The following SRSF1 variants were observed in gnomAD, a reference collection of about 807,000 sequenced individuals.
SRSF1 encodes the protein serine/arginine-rich splicing factor 1.
A neutral mutation model predicts 25.9 loss-of-function variants in SRSF1; 1 was observed. The ratio of observed to expected loss-of-function variants is 0.04; its 90% CI spans 0.01 to 0.18. SRSF1 has a LOEUF of 0.18. Ranked by LOEUF, SRSF1 falls within the 10% of genes least tolerant of loss-of-function variation. The pLI, the probability that SRSF1 is intolerant of heterozygous loss-of-function variation, is 1.00. For synonymous variants in SRSF1, 132 were observed against 126.2 expected, an observed-to-expected ratio of 1.05 and a Z score of -0.31; for missense variants, 65 against 350.5, an observed-to-expected ratio of 0.19 and a Z score of 6.50.
the SRSF1 span, chr17:57,994,947 G>C: frequency 6.6e-6 from 1 of 152,158 alleles, no homozygotes; most frequent in Non-Finnish European, 1.5e-5. Context: ...AAGAAACCAA[G>C]CCTTGCAAAG....
chr17:57,993,261 G>C, the SRSF1 span: 1 of 152,214 alleles, frequency 6.6e-6, no homozygotes, highest in Admixed American at 6.5e-5. Flanking sequence ...ATGGTGGTGG[G>C]AGTCTGTAGT....
chr17:58,006,256 T>C, intron 2 of SRSF1, 87 bp downstream of exon 2: 3 of 1,463,604 alleles, frequency 2.0e-6, no homozygotes, highest in Non-Finnish European at 2.8e-6. Context: ...GCATGAAAAA[T>C]TTGCAATTAT....
chr17:58,005,526 G>A lies in SRSF1; in HGVS notation c.627C>T (p.Ser209=). Residue 209 remains serine (S), a synonymous_variant, in exon 4 of 4, where the codon AGC becomes AGT. Coordinates refer to ENST00000258962, the MANE Select transcript of SRSF1 (RefSeq NM_006924.5). The surrounding 1 kb of genome is among the most constrained non-coding windows in gnomAD (Gnocchi z 5.2). Reference sequence around the variant, plus strand: ...TGCTACGGCTTCTGCTACGACTACGGCTTCGAGATCGAGATCTTCCATAAC... The same window carrying A: ...TGCTACGGCTTCTGCTACGACTACGACTTCGAGATCGAGATCTTCCATAAC... ...SPSYGRSRSR[S]RSRSRSRSRS... The A allele has an allele frequency of 1.2e-6, 2 of 1,614,074 alleles. No individual in the cohort carries two copies. The highest frequency in any genetic ancestry group is 1.7e-6 in the Non-Finnish European group (2 of 1,180,028).
Position 58,007,204 on chromosome 17 carries a change from G to C in SRSF1, c.-67C>G. ...CCAAGCCTAGCGCACGGCAGAGCGAGCCCGCAGCGGCACCACGTCTCCCGC... is the reference window on the plus strand; with the variant it reads ...CCAAGCCTAGCGCACGGCAGAGCGACCCCGCAGCGGCACCACGTCTCCCGC... On this transcript the variant is annotated 5_prime_UTR_variant, in exon 1 of 4. Transcript: ENST00000258962. 1.9e-6 allele frequency: 3 copies of C among 1,573,558 alleles called. No individual in the cohort carries two copies. Among genetic ancestry groups the C allele is most frequent in the Non-Finnish European group, 1.7e-6 (2 of 1,154,808 alleles).
At chr17:57,995,982 A>G (rs916773716), downstream of SRSF1, among the ~76,000 whole-genome samples, 31 of 152,294 alleles carry the variant, frequency 2.0e-4, no homozygotes, top group Admixed American at 8.5e-4. Flanking sequence ...CTCTACAAAA[A>G]ATATAAAAAA....
downstream of SRSF1, among the ~76,000 whole-genome samples, chr17:57,997,538 G>A (rs2075369871): frequency 6.6e-6 from 1 of 152,312 alleles, no homozygotes; most frequent in South Asian, 2.1e-4. Flanking sequence ...GGGAAGATGT[G>A]ATTGAGAACA....
rs2075398794 is a variant in SRSF1, at chr17:58,002,508, A to G, written c.*2898T>C. Among the ~76,000 whole-genome samples the G allele has an allele frequency of 6.6e-6, 1 of 152,216 alleles. No homozygotes were observed. Among genetic ancestry groups the G allele is most frequent in the African/African-American group, 2.4e-5 (1 of 41,464 alleles). ...ACCTAAATAGTACCAAGGGGCTGTC[A>G]GTAGACAAATACAAGAAGTAGCAGG... On this transcript the variant is annotated 3_prime_UTR_variant, in exon 4 of 4. Coordinates refer to ENST00000258962, the MANE Select transcript of SRSF1 (RefSeq NM_006924.5).
Position 58,001,473 on chromosome 17 carries a change from A to G in SRSF1, c.*3933T>C, listed in dbSNP as rs918505765. ...TCAGACCCAAACAATCAAGAACCAG[A>G]AAATGGGTTTCTTACCTTTTGTTTC... On this transcript the variant is annotated 3_prime_UTR_variant, in exon 4 of 4. Coordinates refer to ENST00000258962, the MANE Select transcript of SRSF1 (RefSeq NM_006924.5). Among the ~76,000 whole-genome samples, 1 of 152,188 alleles carries G rather than the reference A, an allele frequency of 6.6e-6. No individual in the cohort carries two copies. Among genetic ancestry groups the G allele is most frequent in the African/African-American group, 2.4e-5 (1 of 41,458 alleles).
chr17:57,990,390 T>C, the SRSF1 span: 1 of 150,266 alleles, frequency 6.7e-6, no homozygotes, highest in Non-Finnish European at 1.5e-5. Context: ...TCCTCAAACA[T>C]TCTTTAAAAA....
chr17:58,007,189 C>T lies in SRSF1; in HGVS notation c.-52G>A, dbSNP rs2075436495. On this transcript the variant is annotated 5_prime_UTR_variant, in exon 1 of 4. Transcript: ENST00000258962. Reference sequence around the variant, plus strand: ...GAACAGGCCTTCCCACCAAGCCTAGCGCACGGCAGAGCGAGCCCGCAGCGG... The same window carrying T: ...GAACAGGCCTTCCCACCAAGCCTAGTGCACGGCAGAGCGAGCCCGCAGCGG... The T allele has an allele frequency of 6.2e-7, 1 of 1,601,088 alleles. No individual in the cohort carries two copies. The highest frequency in any genetic ancestry group is 1.1e-5 in the South Asian group (1 of 90,392).
the SRSF1 span, among the ~76,000 whole-genome samples, chr17:57,995,415 T>C: frequency 1.3e-5 from 2 of 152,268 alleles, no homozygotes; most frequent in East Asian, 3.9e-4. Flanking sequence ...CCAGCCTCAA[T>C]AGTAGGGGTC....
At position 58,007,051 on chromosome 17, in the gene SRSF1, G is replaced by A. The variant is rs1169384827; in HGVS notation, c.87C>T (p.Thr29=). 3 of 1,614,214 alleles carry A rather than the reference G, an allele frequency of 1.9e-6. No individual in the cohort carries two copies. Among genetic ancestry groups the A allele is most frequent in the Middle Eastern group, 1.6e-4 (1 of 6,062 alleles). ...TGTAGAACACGTCCTCAATGTCCTT[G>A]GTTCGGATGTCTGGAGGTAAGTTAC... ...YVGNLPPDIR[T]KDIEDVFYKY... is the part of the protein sequence containing the mutation. The change falls in exon 1 of 4, where the codon ACC becomes ACT. Residue 29 remains threonine, a synonymous_variant. Transcript: ENST00000258962.
Position 58,002,832 on chromosome 17 carries a change from G to C in SRSF1, c.*2574C>G, listed in dbSNP as rs1221163873. On this transcript the variant is annotated 3_prime_UTR_variant, in exon 4 of 4. Transcript: ENST00000258962. ...TTTTGGGACCAGCCTGGGTAACACA[G>C]AGAAACCACATCTCTACTAAAAATA... Among the ~76,000 whole-genome samples the C allele has an allele frequency of 6.6e-6, 1 of 152,094 alleles. No homozygotes were observed. The highest frequency in any genetic ancestry group is 6.5e-5 in the Admixed American group (1 of 15,282).
chr17:58,006,038 T>C, intron 2 of SRSF1, 65 bp from the exon 3 acceptor site: 2 of 1,485,070 alleles, frequency 1.3e-6, no homozygotes, highest in Non-Finnish European at 1.8e-6. Context: ...GCTGGTAAGG[T>C]ACATTAGGAC....
rs2143472813 is a variant in SRSF1, at chr17:58,003,196, T to C, written c.*2210A>G. ...CCAGAAAATAAGCAGCATCTATAGTTTTTTAACCACTTTATAACAAAGTAG... is the reference window on the plus strand; with the variant it reads ...CCAGAAAATAAGCAGCATCTATAGTCTTTTAACCACTTTATAACAAAGTAG... On this transcript the variant is annotated 3_prime_UTR_variant, in exon 4 of 4. Coordinates refer to ENST00000258962, the MANE Select transcript of SRSF1 (RefSeq NM_006924.5). 6.6e-6 allele frequency among the ~76,000 whole-genome samples: 1 copy of C among 152,302 alleles called. No individual in the cohort carries two copies. The highest frequency in any genetic ancestry group is 6.5e-5 in the Admixed American group (1 of 15,306).
At chr17:58,000,623 G>C (rs1233050271), downstream of SRSF1, among the ~76,000 whole-genome samples, 1 of 152,066 alleles carries the variant, frequency 6.6e-6, no homozygotes, top group Admixed American at 6.6e-5. Flanking sequence ...TAAAAAGATG[G>C]GGGAACTTAA....
Position 58,005,201 on chromosome 17 carries a change from CCTGT to C in SRSF1, c.*201_*204del, listed in dbSNP as rs1206656622. ...ATGGAGTTAACTAAATTTAAACAATCCTGTCTATGACATCACTTAAAATACAATT... is the reference window on the plus strand; with the variant it reads ...ATGGAGTTAACTAAATTTAAACAATCCTATGACATCACTTAAAATACAATT... On this transcript the variant is annotated 3_prime_UTR_variant, in exon 4 of 4. Coordinates refer to ENST00000258962, the MANE Select transcript of SRSF1 (RefSeq NM_006924.5). This position sits in a 1 kb window ranked among gnomAD's most constrained non-coding sequence, Gnocchi z 5.2. 1.5e-5 allele frequency: 9 copies of C among 605,548 alleles called. No individual in the cohort carries two copies. Among genetic ancestry groups the C allele is most frequent in the Middle Eastern group, 2.9e-4 (1 of 3,472 alleles). 37.5% of individuals were successfully genotyped at this position (605,548 alleles called of 1,614,324 possible).
chr17:58,006,896 A>G (rs1270083013), intron 1 of SRSF1, 48 bp downstream of exon 1: 4 of 1,602,210 alleles, frequency 2.5e-6, no homozygotes, highest in African/African-American at 2.7e-5. Context: ...GCCTTCCCCA[A>G]CTACTCGGAC....
chr17:57,996,483 T>TAAAAAAAAAAAAAAAA (rs10677825), downstream of SRSF1, among the ~76,000 whole-genome samples: 1 of 72,386 alleles, frequency 1.4e-5, no homozygotes, highest in African/African-American at 5.6e-5. Context: ...GACACTGTCT[T>TAAAAAAAAAAAAAAAA]AAAAAAAAAA....
Sources: allele counts gnomAD v4.1 joint callset (sites outside exome capture counted in the v4.1 genomes callset), GRCh38; gene constraint gnomAD v4.1.1; non-coding constraint Gnocchi (gnomAD v3.1); transcripts MANE v1.5; gene names NCBI Gene and HGNC (gene_info 2026-07-23, HGNC 2026-07-21).